PPP1R14C: variants seen among roughly 807,000 people sequenced by gnomAD.
PPP1R14C encodes the protein protein phosphatase 1 regulatory inhibitor subunit 14C.
Under a neutral mutation model 20.4 loss-of-function variants are expected in PPP1R14C, and 16 were observed. That is an observed-to-expected ratio of 0.78 (90% confidence interval 0.53 to 1.19). The LOEUF (loss-of-function observed/expected upper bound fraction) is 1.19, where lower values mean the gene tolerates loss of function less well. Ranked by LOEUF, PPP1R14C falls within the 50% of genes most tolerant of loss-of-function variation. The probability of loss-of-function intolerance (pLI) is 0.00; values close to 1 mark genes in which losing one functional copy is unlikely to be tolerated. For missense variants in PPP1R14C, 211 were observed against 220.1 expected, an observed-to-expected ratio of 0.96 and a Z score of 0.26; for synonymous variants, 91 against 91.0, an observed-to-expected ratio of 1.00 and a Z score of 0.00.
At chr6:150,214,642 CAATT>C in intron 1 of PPP1R14C, 98 bp from the exon 2 acceptor site, 1 of 789,410 alleles carries the variant, frequency 1.3e-6, no homozygotes, top group Non-Finnish European at 2.2e-6. Flanking sequence ...CAGCCCTTCT[CAATT>C]GATGATCTAG....
At chr6:150,171,027 C>T (rs1196974837) in intron 1 of PPP1R14C, among the ~76,000 whole-genome samples, 3 of 152,008 alleles carry the variant, frequency 2.0e-5, no homozygotes, top group African/African-American at 7.2e-5. Context: ...CACAGCCTCC[C>T]CACCAACTCC....
chr6:150,180,436 A>G (rs1777608526), intron 1 of PPP1R14C, among the ~76,000 whole-genome samples: 1 of 152,240 alleles, frequency 6.6e-6, no homozygotes, highest in Non-Finnish European at 1.5e-5. Context: ...CATCTGCATG[A>G]AAGAGTGGCT....
At chr6:150,218,154 A>T in intron 3 of PPP1R14C, among the ~76,000 whole-genome samples, 1 of 152,168 alleles carries the variant, frequency 6.6e-6, no homozygotes, top group Admixed American at 6.5e-5. Flanking sequence ...CTGTGATCAC[A>T]GCACTTTGGG....
At chr6:150,189,559 T>TTG (rs1554219166) in intron 1 of PPP1R14C, among the ~76,000 whole-genome samples, 5 of 151,796 alleles carry the variant, frequency 3.3e-5, no homozygotes, top group Non-Finnish European at 7.4e-5. Flanking sequence ...CTTTTTTTTT[T>TTG]TGTGGAAGAT....
intron 3 of PPP1R14C, among the ~76,000 whole-genome samples, chr6:150,232,522 C>T (rs1298409808): frequency 6.6e-6 from 1 of 152,186 alleles, no homozygotes; most frequent in Non-Finnish European, 1.5e-5. Context: ...ATACAGTCTT[C>T]CTTGTATTTG....
At chr6:150,160,578 T>C (rs1777356084) in intron 1 of PPP1R14C, among the ~76,000 whole-genome samples, 1 of 152,086 alleles carries the variant, frequency 6.6e-6, no homozygotes, top group African/African-American at 2.4e-5. Flanking sequence ...CAGTAGCTCA[T>C]TCTTAAGTAA....
intron 1 of PPP1R14C, among the ~76,000 whole-genome samples, chr6:150,180,348 C>T (rs540523617): frequency 6.6e-6 from 1 of 152,300 alleles, no homozygotes; most frequent in African/African-American, 2.4e-5. Context: ...AAGTGTTGGC[C>T]TCAGCTCTAG....
chr6:150,143,652 G>C lies in PPP1R14C; in HGVS notation c.306+154G>C, dbSNP rs1427524756. 6.6e-6 allele frequency among the ~76,000 whole-genome samples: 1 copy of C among 152,208 alleles called. No homozygotes were observed. Among genetic ancestry groups the C allele is most frequent in the Non-Finnish European group, 1.5e-5 (1 of 68,036 alleles). On this transcript the variant is annotated intron_variant, in intron 1 of 3. Coordinates refer to ENST00000361131, the MANE Select transcript of PPP1R14C (RefSeq NM_030949.3). This position sits in a 1 kb window ranked among gnomAD's most constrained non-coding sequence, Gnocchi z 5.6. ...AGGCGCGGCGCCTTCTCTCCCCCGC[G>C]GTGCCCTCTGGCGTCGGGCTCAGCG...
chr6:150,210,821 TCTCCAG>T (rs1343509248), intron 1 of PPP1R14C, among the ~76,000 whole-genome samples: 1 of 152,214 alleles, frequency 6.6e-6, no homozygotes, highest in Admixed American at 6.5e-5. Flanking sequence ...GGCCATGTTT[TCTCCAG>T]TTTGCTGCAC....
intron 1 of PPP1R14C, among the ~76,000 whole-genome samples, chr6:150,190,184 T>C (rs1404942630): frequency 1.3e-5 from 2 of 152,122 alleles, no homozygotes; most frequent in Non-Finnish European, 2.9e-5. Flanking sequence ...GAATCACAAA[T>C]GTATATCTCT....
At chr6:150,215,658 TG>T (rs780944100) in intron 2 of PPP1R14C, among the ~76,000 whole-genome samples, 2 of 152,234 alleles carry the variant, frequency 1.3e-5, no homozygotes, top group Non-Finnish European at 2.9e-5. Flanking sequence ...TAGATTTAGC[TG>T]GGAGACAATA....
rs534491066 is a variant in PPP1R14C at position 150,242,643 on chromosome 6, G to A, written c.424-6103G>A. ...GACTGAATGCTTCCCCCTAAGATCA[G>A]TAACATGGTCAGGGTATTCACTTTC... On this transcript the variant is annotated intron_variant, in intron 3 of 3. Coordinates refer to ENST00000361131, the MANE Select transcript of PPP1R14C (RefSeq NM_030949.3). Among the ~76,000 whole-genome samples the A allele has an allele frequency of 3.3e-5, 5 of 152,336 alleles. 1 individual carries two copies. In the South Asian group the frequency reaches 1.0e-3, roughly 32 times the overall value.
rs1045258033 is a variant in PPP1R14C at position 150,185,317 on chromosome 6, C to T, written c.307-29427C>T. 6.6e-6 allele frequency among the ~76,000 whole-genome samples: 1 copy of T among 152,120 alleles called. No homozygotes were observed. Among genetic ancestry groups the T allele is most frequent in the African/African-American group, 2.4e-5 (1 of 41,428 alleles). The stretch of plus-strand genomic sequence containing the variant: ...TGCCTAGCAGTAGTCAGCCTGACAC[C>T]GACCATGTCTCATGAAAGTCACACA... On this transcript the variant is annotated intron_variant, in intron 1 of 3. Coordinates refer to ENST00000361131, the MANE Select transcript of PPP1R14C (RefSeq NM_030949.3). The surrounding 1 kb of genome is among the most constrained non-coding windows in gnomAD (Gnocchi z 4.1).
chr6:150,229,135 A>T (rs1172030392), intron 3 of PPP1R14C, among the ~76,000 whole-genome samples: 1 of 152,206 alleles, frequency 6.6e-6, no homozygotes, highest in African/African-American at 2.4e-5. Context: ...AGACAATGTG[A>T]CACATGACTT....
intron 1 of PPP1R14C, among the ~76,000 whole-genome samples, chr6:150,147,314 G>T (rs979507034): frequency 9.9e-5 from 15 of 151,844 alleles, no homozygotes; most frequent in Admixed American, 9.8e-4. Context: ...TGAGTAGCTG[G>T]GGCTGCAGAT....
At chr6:150,212,824 C>T (rs1418439837) in intron 1 of PPP1R14C, among the ~76,000 whole-genome samples, 2 of 152,182 alleles carry the variant, frequency 1.3e-5, no homozygotes, top group Admixed American at 6.5e-5. Flanking sequence ...TGGTAATATG[C>T]TGTCCGGGTT....
chr6:150,192,178 G>A lies in PPP1R14C; in HGVS notation c.307-22566G>A, dbSNP rs138928720. Among the ~76,000 whole-genome samples, 494 of 152,220 alleles carry A rather than the reference G, an allele frequency of 3.2e-3. 6 individuals are homozygous for A. Among genetic ancestry groups the A allele is most frequent in the African/African-American group, 0.011 (474 of 41,524 alleles). On this transcript the variant is annotated intron_variant, in intron 1 of 3. Coordinates refer to ENST00000361131, the MANE Select transcript of PPP1R14C (RefSeq NM_030949.3). The stretch of plus-strand genomic sequence containing the variant: ...ATTCTGTGGGCTTGATTTGGATGCC[G>A]CCTGGGCTGCCTGGTTATTTTGTTG...
chr6:150,186,997 C>T (rs1418860266), intron 1 of PPP1R14C, among the ~76,000 whole-genome samples: 2 of 150,264 alleles, frequency 1.3e-5, no homozygotes, highest in African/African-American at 2.5e-5. Context: ...TTTTTTGAGA[C>T]GGAGTTTCAC....
At chr6:150,149,895 T>C (rs1273703650) in intron 1 of PPP1R14C, among the ~76,000 whole-genome samples, 2 of 152,236 alleles carry the variant, frequency 1.3e-5, no homozygotes, top group Non-Finnish European at 1.5e-5. Flanking sequence ...TTCTCTAAAC[T>C]GTTCCTCCTG....
Sources: gnomAD v4.1 joint callset for allele counts (sites outside exome capture counted in the v4.1 genomes callset) on GRCh38, gnomAD v4.1.1 for gene constraint, Gnocchi (gnomAD v3.1) non-coding constraint, MANE v1.5 for transcripts, NCBI Gene and HGNC (gene_info 2026-07-23, HGNC 2026-07-21) for gene names.